Variants in NEBL observed in about 807,000 individuals in gnomAD.
The protein encoded by NEBL is nebulette, also known as LIM and SH3 protein 2.
NEBL carries 122 observed loss-of-function variants against 140.2 expected under a neutral mutation model. The observed-to-expected ratio is 0.87, with a 90% CI of 0.75 to 1.01. The LOEUF is 1.01. Among genes scored for constraint, NEBL ranks in the 50% least tolerant of loss-of-function variants. NEBL has a pLI of 0.00. For synonymous variants in NEBL, 436 were observed against 398.9 expected (o/e 1.09, Z -1.11); for missense variants, 1,365 against 1,231.3 (o/e 1.11, Z -1.62).
At chr10:20,878,337 A>G (rs1451646426) in intron 5 of NEBL, among the ~76,000 whole-genome samples, 4 of 152,250 alleles carry the variant, frequency 2.6e-5, no homozygotes, top group African/African-American at 4.8e-5. Flanking sequence ...TTTCAGGTGA[A>G]TCAGATACAC....
chr10:21,053,072 C>G (rs960418835), intron 2 of NEBL, among the ~76,000 whole-genome samples: 1 of 152,128 alleles, frequency 6.6e-6, no homozygotes, highest in Non-Finnish European at 1.5e-5. Flanking sequence ...GATTTGATCA[C>G]TATACATTGT....
intron 2 of NEBL, among the ~76,000 whole-genome samples, chr10:21,061,821 T>C (rs1375698850): frequency 6.6e-6 from 1 of 152,220 alleles, no homozygotes; most frequent in Non-Finnish European, 1.5e-5. Flanking sequence ...GTTTCTCCCC[T>C]GCAGTGATTG....
At position 21,025,103 on chromosome 10, in the gene NEBL, G is replaced by A. The variant is rs371724530; in HGVS notation, c.165-4902C>T. On this transcript the variant is annotated intron_variant, in intron 2 of 6. Coordinates refer to the NEBL transcript ENST00000417816. ...TCCTCCATATTGGAGTAAGAATGTA[G>A]GAAGAAGACACAGGGCATGAGAAAT... 3.3e-5 allele frequency among the ~76,000 whole-genome samples: 5 copies of A among 151,942 alleles called. No homozygotes were observed. The South Asian group carries it at 1.0e-3, about 32-fold the overall frequency.
At chr10:20,842,865 A>G (rs1841525808) in intron 12 of NEBL, among the ~76,000 whole-genome samples, 2 of 151,994 alleles carry the variant, frequency 1.3e-5, no homozygotes, top group African/African-American at 4.8e-5. Flanking sequence ...TCACCTTGCC[A>G]TTCCTCCCAC....
At chr10:21,081,650 G>C (rs1347503190) in intron 2 of NEBL, among the ~76,000 whole-genome samples, 1 of 152,148 alleles carries the variant, frequency 6.6e-6, no homozygotes, top group Non-Finnish European at 1.5e-5. Flanking sequence ...TCCAAAGACT[G>C]TTCTTCACTA....
chr10:21,280,272 C>T (rs746186187), intron 1 of NEBL, among the ~76,000 whole-genome samples: 1 of 152,162 alleles, frequency 6.6e-6, no homozygotes, highest in Non-Finnish European at 1.5e-5. Context: ...CTCATTTCTA[C>T]ATGTGAAATG....
At chr10:21,061,737 G>T (rs1032364433) in intron 2 of NEBL, among the ~76,000 whole-genome samples, 2 of 152,114 alleles carry the variant, frequency 1.3e-5, no homozygotes, top group African/African-American at 4.8e-5. Context: ...ATCCCTAAAA[G>T]TGGTTGTGAC....
chr10:20,865,587 A>G (rs1023823385), intron 7 of NEBL, among the ~76,000 whole-genome samples: 2 of 152,088 alleles, frequency 1.3e-5, no homozygotes, highest in African/African-American at 4.8e-5. Context: ...AAAAGGGCGA[A>G]GTTGTAAGAG....
intron 3 of NEBL, among the ~76,000 whole-genome samples, chr10:21,187,689 T>C (rs1024418960): frequency 3.0e-4 from 45 of 151,884 alleles, no homozygotes; most frequent in African/African-American, 1.0e-3. Flanking sequence ...AATGTTTGTA[T>C]TTTTTGTAGA....
intron 14 of NEBL, among the ~76,000 whole-genome samples, chr10:20,832,332 G>A (rs1041941407): frequency 6.6e-6 from 1 of 152,162 alleles, no homozygotes; most frequent in Non-Finnish European, 1.5e-5. Context: ...AGAACTGCAA[G>A]CTGAAACTAT....
intron 17 of NEBL, among the ~76,000 whole-genome samples, chr10:20,827,678 C>T (rs757681631): frequency 6.6e-5 from 10 of 152,062 alleles, no homozygotes; most frequent in East Asian, 1.9e-4. Context: ...AACCTGAATG[C>T]CCATCAATGA....
intron 2 of NEBL, among the ~76,000 whole-genome samples, chr10:21,086,483 G>A (rs1420771497): frequency 6.6e-6 from 1 of 152,138 alleles, no homozygotes; most frequent in African/African-American, 2.4e-5. Flanking sequence ...GTGCAAATTA[G>A]AAATCAGTGT....
intron 3 of NEBL, among the ~76,000 whole-genome samples, chr10:21,004,836 A>G (rs1469782374): frequency 6.6e-6 from 1 of 152,210 alleles, no homozygotes; most frequent in Admixed American, 6.5e-5. Flanking sequence ...GGTAACTGTG[A>G]TGCATACAGG....
intron 2 of NEBL, among the ~76,000 whole-genome samples, chr10:21,079,131 C>CCT (rs747408800): frequency 1.4e-4 from 22 of 152,120 alleles, no homozygotes; most frequent in African/African-American, 2.7e-4. Context: ...TCTGTCTCAG[C>CCT]CTCTCTCTCT....
chr10:21,167,225 T>C (rs1363938712), intron 2 of NEBL, among the ~76,000 whole-genome samples: 4 of 152,228 alleles, frequency 2.6e-5, no homozygotes, highest in East Asian at 1.9e-4. Flanking sequence ...CCTGCTGTTT[T>C]ATTTTTTAAA....
At chr10:21,186,848 T>C (rs80266610) in intron 3 of NEBL, among the ~76,000 whole-genome samples, 3,010 of 152,144 alleles carry the variant, frequency 0.02, 90 homozygotes, top group African/African-American at 0.069. Context: ...TGTTATGCTG[T>C]ATTGATTGGA....
intron 3 of NEBL, among the ~76,000 whole-genome samples, chr10:21,211,947 T>C (rs1841924030): frequency 6.6e-6 from 1 of 152,160 alleles, no homozygotes. Context: ...TGTTTGCTCT[T>C]ATGTAATGCT....
chr10:20,865,268 T>C (rs943654712), intron 7 of NEBL, among the ~76,000 whole-genome samples: 7 of 152,162 alleles, frequency 4.6e-5, no homozygotes, highest in Non-Finnish European at 1.0e-4. Context: ...TCCTATGAAA[T>C]TATGTCATGT....
At chr10:21,051,281 T>A (rs963561262) in intron 2 of NEBL, among the ~76,000 whole-genome samples, 2 of 152,226 alleles carry the variant, frequency 1.3e-5, no homozygotes, top group Non-Finnish European at 2.9e-5. Context: ...TTATTTTCTG[T>A]ATGATTTAAA....
Sources: allele counts gnomAD v4.1 joint callset (sites outside exome capture counted in the v4.1 genomes callset), GRCh38; gene constraint gnomAD v4.1.1; transcripts MANE v1.5; gene names NCBI Gene and HGNC (gene_info 2026-07-23, HGNC 2026-07-21).